The following NFIB variants were observed in gnomAD, a reference collection of about 807,000 sequenced individuals.
NFIB encodes nuclear factor I B.
Under a neutral mutation model 61.5 loss-of-function variants are expected in NFIB, and 11 were observed. The observed-to-expected ratio is 0.18, with a 90% CI of 0.11 to 0.30. The LOEUF (loss-of-function observed/expected upper bound fraction) is 0.30. NFIB is among the 10% of genes least tolerant of loss of function. The pLI is 1.00. For missense variants in NFIB, 471 were observed against 608.9 expected, an observed-to-expected ratio of 0.77 and a Z score of 2.38; for synonymous variants, 260 against 216.5, an observed-to-expected ratio of 1.20 and a Z score of -1.76.
chr9:14,278,598 G>A (rs2058164222), intron 2 of NFIB, among the ~76,000 whole-genome samples: 1 of 152,194 alleles, frequency 6.6e-6, no homozygotes, highest in Admixed American at 6.5e-5. Context: ...GGGTTTGGAG[G>A]TTAGTGAGTA....
chr9:14,353,087 C>T (rs1294297831), intron 1 of NFIB, among the ~76,000 whole-genome samples: 3 of 152,022 alleles, frequency 2.0e-5, no homozygotes, highest in Non-Finnish European at 4.4e-5. Flanking sequence ...TTGGGGTGCA[C>T]CATGGGTTGG....
chr9:14,217,521 G>A (rs1198704982), intron 2 of NFIB, among the ~76,000 whole-genome samples: 4 of 151,972 alleles, frequency 2.6e-5, no homozygotes, highest in Non-Finnish European at 2.9e-5. Flanking sequence ...TTGGCTGGGC[G>A]TGGTGGCGCA....
chr9:14,135,213 A>G (rs149582898), intron 6 of NFIB, among the ~76,000 whole-genome samples: 1 of 152,308 alleles, frequency 6.6e-6, no homozygotes, highest in African/African-American at 2.4e-5. Flanking sequence ...TAAAAACTGT[A>G]AAATAGATAT....
At chr9:14,187,027 ATGTGTGTGTGTGTGTG>A (rs71491637) in intron 2 of NFIB, among the ~76,000 whole-genome samples, 2,698 of 60,798 alleles carry the variant, frequency 0.044, 90 homozygotes, top group African/African-American at 0.089. Context: ...GTGTGTGTGT[ATGTGTGTGTGTGTGTG>A]TGTGTGTGTG....
rs3080833 is a variant in NFIB at position 14,202,128 on chromosome 9, T to TCACACACACA, written c.563-22358_563-22349dup. 7.7e-3 allele frequency among the ~76,000 whole-genome samples: 1,134 copies of TCACACACACA among 147,168 alleles called. 13 individuals are homozygous for TCACACACACA. Among genetic ancestry groups the TCACACACACA allele is most frequent in the African/African-American group, 0.016 (634 of 39,940 alleles). ...ATTTTGAAGATAAAATTGATACTTT[T>TCACACACACA]CACACACACACACACACACACACAC... On this transcript the variant is annotated intron_variant, in intron 2 of 10. Coordinates refer to ENST00000380953, the MANE Select transcript of NFIB (RefSeq NM_001190737.2).
At chr9:14,356,353 A>C (rs1049224734) in intron 1 of NFIB, among the ~76,000 whole-genome samples, 1 of 152,128 alleles carries the variant, frequency 6.6e-6, no homozygotes, top group Non-Finnish European at 1.5e-5. Flanking sequence ...TTCTTTTCCC[A>C]GGGATGGATA....
At chr9:14,349,339 C>G (rs2061076879) in intron 1 of NFIB, among the ~76,000 whole-genome samples, 2 of 152,158 alleles carry the variant, frequency 1.3e-5, no homozygotes, top group African/African-American at 4.8e-5. Context: ...ATTTAACAAC[C>G]TTCTTTAGGG....
intron 4 of NFIB, among the ~76,000 whole-genome samples, chr9:14,155,149 G>T (rs2043259896): frequency 1.3e-5 from 2 of 152,118 alleles, no homozygotes; most frequent in African/African-American, 2.4e-5. Context: ...AGTACATATA[G>T]ATCTGCATCT....
At chr9:14,306,521 G>C (rs1483330045) in intron 2 of NFIB, among the ~76,000 whole-genome samples, 1 of 151,956 alleles carries the variant, frequency 6.6e-6, no homozygotes, top group African/African-American at 2.4e-5. Flanking sequence ...ATACCACTAA[G>C]TTCATAAACA....
chr9:14,410,850 A>C, the NFIB span, among the ~76,000 whole-genome samples: 3 of 152,218 alleles, frequency 2.0e-5, no homozygotes. Context: ...TGAATTTAAA[A>C]TTCAGACTCA....
chr9:14,401,088 T>C (rs59538849), upstream of NFIB, among the ~76,000 whole-genome samples: 2,122 of 152,302 alleles, frequency 0.014, 52 homozygotes, highest in African/African-American at 0.047. Flanking sequence ...CAAGAAGTAG[T>C]GGTTAAGTAG....
intron 6 of NFIB, among the ~76,000 whole-genome samples, chr9:14,131,039 T>G (rs927271990): frequency 9.2e-5 from 14 of 151,768 alleles, no homozygotes; most frequent in Non-Finnish European, 1.3e-4. Context: ...AGAAATGCAT[T>G]AAATAGTTGC....
At chr9:14,384,194 C>T (rs760755282) in intron 1 of NFIB, among the ~76,000 whole-genome samples, 2 of 152,130 alleles carry the variant, frequency 1.3e-5, no homozygotes, top group Non-Finnish European at 1.5e-5. Flanking sequence ...TCATCTTTCT[C>T]GCAGCAACAT....
Position 14,354,780 on chromosome 9 carries a change from C to CTGTGTGTGTG in NFIB, c.108+43734_108+43743dup, listed in dbSNP as rs67877825. ...TGGTTATCTCTATGTAATGGGTACT[C>CTGTGTGTGTG]TGTGTGTGTGTGTGTGTGTGTGTGT... On this transcript the variant is annotated intron_variant, in intron 1 of 8. Transcript: ENST00000380934. Among the ~76,000 whole-genome samples, 519 of 145,868 alleles carry CTGTGTGTGTG rather than the reference C, an allele frequency of 3.6e-3. 2 individuals are homozygous for CTGTGTGTGTG. Among genetic ancestry groups the CTGTGTGTGTG allele is most frequent in the African/African-American group, 7.6e-3 (297 of 39,186 alleles).
chr9:14,158,888 A>T (rs1386944114), intron 3 of NFIB, among the ~76,000 whole-genome samples: 1 of 152,268 alleles, frequency 6.6e-6, no homozygotes, highest in Admixed American at 6.5e-5. Flanking sequence ...AAATAGTAAG[A>T]GCCCAAAAAT....
chr9:14,246,820 A>G (rs1224209140), intron 2 of NFIB, among the ~76,000 whole-genome samples: 1 of 152,156 alleles, frequency 6.6e-6, no homozygotes, highest in Non-Finnish European at 1.5e-5. Context: ...CTGAAAATGC[A>G]TATGCTGAAG....
At chr9:14,138,005 T>C (rs2041262728) in intron 6 of NFIB, among the ~76,000 whole-genome samples, 1 of 152,128 alleles carries the variant, frequency 6.6e-6, no homozygotes, top group South Asian at 2.1e-4. Flanking sequence ...ATAAACATAA[T>C]ATCTCAATGA....
chr9:14,452,757 T>G, the NFIB span, among the ~76,000 whole-genome samples: 3 of 152,180 alleles, frequency 2.0e-5, no homozygotes, highest in Admixed American at 1.3e-4. Flanking sequence ...CAGATGGTTA[T>G]CAAATGATTT....
chr9:14,113,906 A>C (rs1022620297), intron 9 of NFIB, among the ~76,000 whole-genome samples: 8 of 152,224 alleles, frequency 5.3e-5, no homozygotes, highest in South Asian at 2.1e-4. Context: ...CACACACAAA[A>C]AAAAAATGAA....
Sources: allele counts gnomAD v4.1 joint callset (sites outside exome capture counted in the v4.1 genomes callset), GRCh38; gene constraint gnomAD v4.1.1; transcripts MANE v1.5; gene names NCBI Gene and HGNC (gene_info 2026-07-23, HGNC 2026-07-21).